ATP11C: variants seen among roughly 807,000 people sequenced by gnomAD.
ATP11C encodes ATPase phospholipid transporting 11C (ATP11C blood group), also known as phospholipid-transporting ATPase IG.
ATP11C carries 36 observed loss-of-function variants against 97.4 expected under a neutral mutation model. The ratio of observed to expected loss-of-function variants is 0.37; its 90% CI spans 0.28 to 0.49. The LOEUF is 0.49. Among genes scored for constraint, ATP11C ranks in the 20% least tolerant of loss-of-function variants. The pLI, the probability that ATP11C is intolerant of heterozygous loss-of-function variation, is 0.98. For synonymous variants in ATP11C, 275 were observed against 290.9 expected, an observed-to-expected ratio of 0.95 and a Z score of 0.56; for missense variants, 730 against 824.6, an observed-to-expected ratio of 0.89 and a Z score of 1.40.
intron 2 of ATP11C, among the ~76,000 whole-genome samples, chrX:139,820,723 G>C (rs761580455): frequency 2.7e-5 from 3 of 110,940 alleles, no homozygotes; most frequent in East Asian, 5.8e-4. Context: ...AGAACTCTTA[G>C]GCCAACTGTC....
intron 1 of ATP11C, among the ~76,000 whole-genome samples, chrX:139,838,683 T>C (rs2083782844): frequency 8.9e-6 from 1 of 112,602 alleles, no homozygotes; most frequent in African/African-American, 3.2e-5. Flanking sequence ...GTGCAGTGGC[T>C]CATGCCTGTA....
Position 139,788,322 on chromosome X carries a change from G to A in ATP11C, c.1390C>T (p.Arg464Cys), listed in dbSNP as rs752658279. The change falls in exon 14 of 30, where the codon CGT becomes TGT. Residue 464 changes from arginine (R) to cysteine (C), a missense_variant. Coordinates refer to ENST00000682941, the MANE Select transcript of ATP11C (RefSeq NM_001353812.2). The part of the protein sequence containing the change: ...VDKNREELFL[R>C]ALCLCHTVEI... ...ACAGTATGACATAAACACAAGGCACGTAGAAACAGCTCTTCTCGATTCTGT... is the reference window on the plus strand; with the variant it reads ...ACAGTATGACATAAACACAAGGCACATAGAAACAGCTCTTCTCGATTCTGT... 16 of 1,202,484 alleles carry A rather than the reference G, an allele frequency of 1.3e-5. No individual in the cohort carries two copies. Among genetic ancestry groups the A allele is most frequent in the East Asian group, 3.0e-5 (1 of 33,617 alleles).
intron 14 of ATP11C, among the ~76,000 whole-genome samples, 158 bp from the exon 15 acceptor site, chrX:139,787,402 A>G (rs2082597731): frequency 9.0e-6 from 1 of 111,275 alleles, no homozygotes; most frequent in Non-Finnish European, 1.9e-5. Context: ...GTTTCAAGCG[A>G]TTCTCCTGCC....
chrX:139,896,143 T>C (rs944652321), intron 1 of ATP11C, among the ~76,000 whole-genome samples: 2 of 111,465 alleles, frequency 1.8e-5, no homozygotes, highest in African/African-American at 6.5e-5. Context: ...AAAAGATAAC[T>C]GTACAGTGTG....
intron 1 of ATP11C, chrX:139,924,095 G>A (rs1435274702): frequency 2.7e-6 from 1 of 376,955 alleles, no homozygotes; most frequent in Non-Finnish European, 5.4e-6. Context: ...AAATGAATGG[G>A]AGCAGTAACA....
chrX:139,727,742 A>C lies in ATP11C; in HGVS notation c.*1224T>G, dbSNP rs1039408032. On this transcript the variant is annotated 3_prime_UTR_variant, in exon 30 of 30. Coordinates refer to ENST00000682941, the MANE Select transcript of ATP11C (RefSeq NM_001353812.2). ...AAAAGTATGTGTTTAACATTGAATG[A>C]AGACATTTCACATTTATGTTTCAAG... 3 of 112,112 alleles carry C rather than the reference A, an allele frequency of 2.7e-5. No homozygotes were observed. The highest frequency in any genetic ancestry group is 9.7e-5 in the African/African-American group (3 of 30,866). The allele number at this position is 112,112 out of a possible 1,213,427, so 9.2% of individuals were successfully genotyped here.
intron 1 of ATP11C, among the ~76,000 whole-genome samples, chrX:139,910,619 G>T (rs1046671582): frequency 4.7e-5 from 5 of 107,303 alleles, no homozygotes; most frequent in African/African-American, 1.7e-4. Flanking sequence ...AAAAAAAAAA[G>T]AATTATGGGC....
chrX:139,913,767 G>A (rs1230844916), intron 1 of ATP11C, among the ~76,000 whole-genome samples: 1 of 111,415 alleles, frequency 9.0e-6, no homozygotes, highest in Non-Finnish European at 1.9e-5. Flanking sequence ...GACTCAGCCC[G>A]CCTGCACCCA....
chrX:139,790,458 TCTCA>T (rs1283554593), intron 12 of ATP11C, among the ~76,000 whole-genome samples: 245 of 95,149 alleles, frequency 2.6e-3, no homozygotes, highest in Middle Eastern at 9.9e-3. Context: ...TCTCTCTCTC[TCTCA>T]CTCACACACA....
chrX:139,834,650 T>G (rs1331766762), intron 1 of ATP11C, among the ~76,000 whole-genome samples: 1 of 112,352 alleles, frequency 8.9e-6, no homozygotes, highest in Non-Finnish European at 1.9e-5. Context: ...GCCTTACATA[T>G]AAATAAAAAT....
chrX:139,788,988 G>A, intron 13 of ATP11C, among the ~76,000 whole-genome samples: 1 of 111,211 alleles, frequency 9.0e-6, no homozygotes, highest in Non-Finnish European at 1.9e-5. Flanking sequence ...ATTACCTGAG[G>A]TCAGGAGTTT....
intron 28 of ATP11C, among the ~76,000 whole-genome samples, chrX:139,733,831 A>T (rs2081393279): frequency 8.9e-6 from 1 of 111,787 alleles, no homozygotes; most frequent in Non-Finnish European, 1.9e-5. Context: ...TATTTCTATG[A>T]AGCAGAAATA....
chrX:139,919,561 C>A (rs1444721338), intron 1 of ATP11C, among the ~76,000 whole-genome samples: 2 of 110,552 alleles, frequency 1.8e-5, no homozygotes, highest in Non-Finnish European at 3.8e-5. Flanking sequence ...TTTAAACATA[C>A]AATTACCATA....
intron 1 of ATP11C, among the ~76,000 whole-genome samples, chrX:139,902,639 T>C (rs1315314900): frequency 8.9e-6 from 1 of 112,028 alleles, no homozygotes; most frequent in Non-Finnish European, 1.9e-5. Flanking sequence ...AAGGTCATGA[T>C]GGATTGTGCC....
At chrX:139,738,238 A>ATT (rs2081485332) in intron 27 of ATP11C, among the ~76,000 whole-genome samples, 169 bp from the exon 28 acceptor site, 1 of 112,179 alleles carries the variant, frequency 8.9e-6, no homozygotes, top group South Asian at 3.6e-4. Context: ...TCATTTACCA[A>ATT]ATGTTTGGAA....
At chrX:139,823,364 C>G (rs2083455593) in intron 2 of ATP11C, among the ~76,000 whole-genome samples, 1 of 112,408 alleles carries the variant, frequency 8.9e-6, no homozygotes, top group Admixed American at 9.4e-5. Flanking sequence ...AAATATGTAT[C>G]ATCTAATTTA....
At chrX:139,837,933 G>A (rs1367278533) in intron 1 of ATP11C, among the ~76,000 whole-genome samples, 1 of 111,934 alleles carries the variant, frequency 8.9e-6, no homozygotes, top group Non-Finnish European at 1.9e-5. Flanking sequence ...AAACAAAAAG[G>A]AGAAGGGTAG....
At chrX:139,794,452 G>T (rs1041005342) in intron 12 of ATP11C, among the ~76,000 whole-genome samples, 1 of 112,216 alleles carries the variant, frequency 8.9e-6, no homozygotes, top group African/African-American at 3.2e-5. Context: ...TTCTATACAT[G>T]CAAACTGATA....
chrX:139,833,407 G>A (rs1244121137), intron 1 of ATP11C, among the ~76,000 whole-genome samples: 4 of 111,577 alleles, frequency 3.6e-5, no homozygotes, highest in Non-Finnish European at 7.5e-5. Context: ...CGGGGCGGGG[G>A]GCGCATTCTT....
Sources: gnomAD v4.1 joint callset for allele counts (sites outside exome capture counted in the v4.1 genomes callset) on GRCh38, gnomAD v4.1.1 for gene constraint, MANE v1.5 for transcripts, NCBI Gene and HGNC (gene_info 2026-07-23, HGNC 2026-07-21) for gene names.